Variants in ANK1 observed in about 807,000 individuals in gnomAD.
The protein encoded by ANK1 is ankyrin 1, also known as ankyrin-1.
ANK1 carries 51 observed loss-of-function variants against 210.4 expected under a neutral mutation model. The observed-to-expected ratio is 0.24, with a 90% CI of 0.19 to 0.31. The LOEUF is 0.31. ANK1 is among the 10% of genes least tolerant of loss of function. The pLI, the probability that ANK1 is intolerant of heterozygous loss-of-function variation, is 1.00. For missense variants in ANK1, 2,051 were observed against 2,504.4 expected, an observed-to-expected ratio of 0.82 and a Z score of 3.86; for synonymous variants, 967 against 1,025.9, an observed-to-expected ratio of 0.94 and a Z score of 1.10.
intron 1 of ANK1, among the ~76,000 whole-genome samples, chr8:41,844,277 G>A (rs1444409628): frequency 6.6e-6 from 1 of 152,146 alleles, no homozygotes; most frequent in African/African-American, 2.4e-5. Flanking sequence ...ATGAACCATG[G>A]GTGCGACCTG....
chr8:41,896,551 C>T (rs1048351270), exon 1 of ANK1: 80 of 1,517,224 alleles, frequency 5.3e-5, no homozygotes, highest in Middle Eastern at 5.1e-4. Context: ...GCGACACCCC[C>T]TAAGAAGGGG....
intron 23 of ANK1, among the ~76,000 whole-genome samples, chr8:41,698,776 T>A (rs1821824324): frequency 1.3e-5 from 2 of 151,444 alleles, no homozygotes; most frequent in Admixed American, 6.6e-5. Context: ...CTGGCAATAG[T>A]TTCTAATGTG....
At chr8:41,754,969 C>T (rs506763) in intron 2 of ANK1, among the ~76,000 whole-genome samples, 48,179 of 152,188 alleles carry the variant, frequency 0.32, 8,255 homozygotes, top group East Asian at 0.66. Context: ...TAACCAGCAG[C>T]AAGGGGCTTT....
intron 6 of ANK1, among the ~76,000 whole-genome samples, chr8:41,725,316 A>C (rs1283449381): frequency 6.6e-6 from 1 of 152,250 alleles, no homozygotes; most frequent in East Asian, 1.9e-4. Flanking sequence ...ACAGCAGATC[A>C]GCAGTGCCTC....
In ANK1 at chr8:41,714,187, G is replaced by C; in HGVS notation, c.1769C>G (p.Pro590Arg). Residue 590 changes from proline (P) to arginine (R), a missense_variant, in exon 16 of 43, where the codon CCC becomes CGC. This residue lies in a region of ANK1 where 1,413 missense variants were observed against 1,707.4 expected (regional missense o/e 0.83). Coordinates refer to ENST00000289734, the MANE Select transcript of ANK1 (RefSeq NM_000037.4). Reference sequence around the variant, plus strand: ...AGGGCTGTGCGGGGAGCCGCCCCGGGGAAGCAGCAGCTTGACGATGTCCAG... The same window carrying C: ...AGGGCTGTGCGGGGAGCCGCCCCGGCGAAGCAGCAGCTTGACGATGTCCAG... ...NNLDIVKLLL[P>R]RGGSPHSPAW... 5 of 1,468,408 alleles carry C rather than the reference G, an allele frequency of 3.4e-6. No individual in the cohort carries two copies. Among genetic ancestry groups the C allele is most frequent in the Non-Finnish European group, 4.6e-6 (5 of 1,094,378 alleles). 91.0% of individuals were successfully genotyped at this position (1,468,408 alleles called of 1,614,324 possible).
chr8:41,863,578 CT>C (rs1813718631), intron 1 of ANK1, among the ~76,000 whole-genome samples: 1 of 152,148 alleles, frequency 6.6e-6, no homozygotes, highest in Admixed American at 6.5e-5. Flanking sequence ...TGGTAACTTA[CT>C]TTCTCACTTA....
intron 1 of ANK1, among the ~76,000 whole-genome samples, chr8:41,855,573 C>T (rs1028315804): frequency 2.0e-5 from 3 of 152,186 alleles, no homozygotes; most frequent in Non-Finnish European, 4.4e-5. Flanking sequence ...GTCTGTTTTT[C>T]AACCACATTG....
chr8:41,708,732 G>A (rs377003981), intron 17 of ANK1, 46 bp downstream of exon 17: 33 of 1,601,662 alleles, frequency 2.1e-5, no homozygotes, highest in Middle Eastern at 1.6e-4. Flanking sequence ...GACACCACAC[G>A]TTGTTATCCA....
intron 1 of ANK1, among the ~76,000 whole-genome samples, chr8:41,849,693 G>C (rs1413745953): frequency 6.6e-6 from 1 of 152,218 alleles, no homozygotes; most frequent in Non-Finnish European, 1.5e-5. Flanking sequence ...CATCACTTCA[G>C]TGTTTTCATT....
At chr8:41,867,412 A>G (rs540171011) in intron 1 of ANK1, among the ~76,000 whole-genome samples, 10 of 152,252 alleles carry the variant, frequency 6.6e-5, no homozygotes, top group Non-Finnish European at 1.3e-4. Flanking sequence ...AAATAATACA[A>G]ATCTCCTAAA....
At chr8:41,893,082 T>A (rs1819754385) in intron 1 of ANK1, among the ~76,000 whole-genome samples, 2 of 152,162 alleles carry the variant, frequency 1.3e-5, no homozygotes, top group African/African-American at 4.8e-5. Flanking sequence ...CCCTCTTCTA[T>A]CCTCTGCTTC....
chr8:41,752,962 AG>A (rs773720100), intron 2 of ANK1, among the ~76,000 whole-genome samples: 2 of 151,964 alleles, frequency 1.3e-5, no homozygotes, highest in African/African-American at 4.8e-5. Flanking sequence ...GGCTTCTACA[AG>A]GGGGGGATAT....
chr8:41,784,437 T>C (rs1020222571), intron 1 of ANK1, among the ~76,000 whole-genome samples: 3 of 152,270 alleles, frequency 2.0e-5, no homozygotes, highest in African/African-American at 4.8e-5. Flanking sequence ...AACGTTAGTA[T>C]ATTAAGTATT....
intron 1 of ANK1, among the ~76,000 whole-genome samples, chr8:41,847,219 A>G (rs1810225999): frequency 6.6e-6 from 1 of 152,222 alleles, no homozygotes; most frequent in South Asian, 2.1e-4. Flanking sequence ...TATCAGTCTA[A>G]TGTGAACCAG....
In ANK1 at chr8:41,714,257, G is replaced by GAGGAGAAA; in HGVS notation, c.1702-4_1702-3insTTTCTCCT. 6.4e-7 allele frequency: 1 copy of GAGGAGAAA among 1,555,366 alleles called. No homozygotes were observed. Among genetic ancestry groups the GAGGAGAAA allele is most frequent in the Non-Finnish European group, 8.7e-7 (1 of 1,143,848 alleles). ...ACGTGCAGGGGGGTCAGGCCATTCT[G>GAGGAGAAA]CAGGGGACAAAGACAAAAGAGGCCG... On this transcript the variant is annotated splice_region_variant and splice_polypyrimidine_tract_variant and intron_variant, in intron 15 of 42. Coordinates refer to ENST00000289734, the MANE Select transcript of ANK1 (RefSeq NM_000037.4).
At chr8:41,815,409 TAA>T (rs1803158497) in intron 1 of ANK1, among the ~76,000 whole-genome samples, 1 of 152,138 alleles carries the variant, frequency 6.6e-6, no homozygotes. Context: ...CTTTTGATAT[TAA>T]GACTCATTTT....
At chr8:41,815,311 GA>G (rs1328411687) in intron 1 of ANK1, among the ~76,000 whole-genome samples, 5 of 151,594 alleles carry the variant, frequency 3.3e-5, no homozygotes, top group South Asian at 2.1e-4. Flanking sequence ...TCAAAAGGTG[GA>G]AAAAAAATTT....
chr8:41,819,722 G>A (rs1027884062), intron 1 of ANK1, among the ~76,000 whole-genome samples: 1 of 152,198 alleles, frequency 6.6e-6, no homozygotes, highest in African/African-American at 2.4e-5. Flanking sequence ...TGCGACTTGG[G>A]CTCCCAGCCT....
intron 12 of ANK1, 79 bp from the exon 13 acceptor site, chr8:41,717,130 T>G: frequency 6.6e-7 from 1 of 1,507,980 alleles, no homozygotes; most frequent in Non-Finnish European, 9.2e-7. Context: ...GGAAGTGCAG[T>G]CTGGAGTGGC....
Sources: gnomAD v4.1 joint callset for allele counts (sites outside exome capture counted in the v4.1 genomes callset) on GRCh38, gnomAD v4.1.1 for gene constraint, gnomAD v4.1.1 regional missense constraint, MANE v1.5 for transcripts, NCBI Gene and HGNC (gene_info 2026-07-23, HGNC 2026-07-21) for gene names.